The following SGIP1 variants were observed in gnomAD, a reference collection of about 807,000 sequenced individuals.
SGIP1 encodes the protein SH3GL interacting endocytic adaptor 1, also known as SH3-containing GRB2-like protein 3-interacting protein 1.
Under a neutral mutation model 107.5 loss-of-function variants are expected in SGIP1, and 38 were observed. The ratio of observed to expected loss-of-function variants is 0.35; its 90% CI spans 0.27 to 0.46. SGIP1 has a LOEUF of 0.46. Among genes scored for constraint, SGIP1 ranks in the 20% least tolerant of loss-of-function variants. The pLI, the probability that SGIP1 is intolerant of heterozygous loss-of-function variation, is 1.00. For synonymous variants in SGIP1, 365 were observed against 366.1 expected (o/e 1.00, Z 0.03); for missense variants, 929 against 1,019.5 (o/e 0.91, Z 1.21).
At chr1:66,695,081 C>A in intron 17 of SGIP1, 1 of 415,826 alleles carries the variant, frequency 2.4e-6, no homozygotes. Flanking sequence ...ATGGATACAG[C>A]AATTGCTGAA....
At chr1:66,606,338 A>T (rs1286672218) in intron 1 of SGIP1, among the ~76,000 whole-genome samples, 3 of 152,230 alleles carry the variant, frequency 2.0e-5, no homozygotes, top group Admixed American at 2.0e-4. Context: ...AGTAGGAACT[A>T]TGTCTGTTTC....
chr1:66,677,024 A>T lies in SGIP1; in HGVS notation c.667A>T (p.Ile223Leu). The change falls in exon 13 of 25, where the codon ATA becomes TTA. Residue 223 changes from isoleucine (I) to leucine (L), a missense_variant. Transcript: ENST00000371037. ...TCCAGTTCTTTTAGATCAGCCTGAGATATGGGGTTCAGGCCAACCAATTAA... is the reference window on the plus strand; with the variant it reads ...TCCAGTTCTTTTAGATCAGCCTGAGTTATGGGGTTCAGGCCAACCAATTAA... ...KTEVLLDQPE[I>L]WGSGQPINPS... 6.2e-7 allele frequency: 1 copy of T among 1,613,610 alleles called. No individual in the cohort carries two copies. The highest frequency in any genetic ancestry group is 1.7e-5 in the Admixed American group (1 of 59,936).
intron 13 of SGIP1, among the ~76,000 whole-genome samples, chr1:66,679,349 C>T (rs1373629346): frequency 1.3e-5 from 2 of 152,130 alleles, no homozygotes; most frequent in Non-Finnish European, 2.9e-5. Context: ...TTTATTCAAC[C>T]CTATGACCCT....
intron 17 of SGIP1, chr1:66,694,476 G>A (rs144911780): frequency 1.7e-4 from 277 of 1,607,284 alleles, no homozygotes; most frequent in Middle Eastern, 3.3e-4. Flanking sequence ...AACTGCCCTC[G>A]TTTGAAAGGC....
intron 23 of SGIP1, among the ~76,000 whole-genome samples, 190 bp downstream of exon 23, chr1:66,740,912 G>C (rs113478558): frequency 2.6e-5 from 4 of 152,006 alleles, no homozygotes; most frequent in African/African-American, 9.7e-5. Flanking sequence ...CTTTTCTACA[G>C]ACTCCACATC....
Position 66,739,386 on chromosome 1 carries a change from C to T in SGIP1, c.2083C>T (p.Arg695Ter), listed in dbSNP as rs2094375121. The part of the protein sequence containing the change: ...STPLNLAVNW[R>*]CEPSSTDLRI... ...ACCTCTGAACCTGGCAGTGAATTGG[C>T]GATGTGAGCCTTCAAGCACTGACCT... The change falls in exon 22 of 25, where the codon CGA (arginine) becomes TGA (stop). Residue 695 changes from arginine (R) to a stop codon, truncating the protein, a stop_gained. Transcript: ENST00000371037. LOFTEE classifies it high-confidence loss of function. The T allele has an allele frequency of 6.2e-7, 1 of 1,614,082 alleles. No homozygotes were observed. The highest frequency in any genetic ancestry group is 8.5e-7 in the Non-Finnish European group (1 of 1,179,996).
At chr1:66,565,658 T>C (rs1454236983) in intron 1 of SGIP1, among the ~76,000 whole-genome samples, 1 of 151,960 alleles carries the variant, frequency 6.6e-6, no homozygotes, top group African/African-American at 2.4e-5. Context: ...AATTTGGGCT[T>C]AGATTTCCAG....
At chr1:66,654,724 A>G (rs2079408777) in intron 7 of SGIP1, among the ~76,000 whole-genome samples, 1 of 152,218 alleles carries the variant, frequency 6.6e-6, no homozygotes, top group East Asian at 1.9e-4. Flanking sequence ...TTCTAAACAG[A>G]ATGAAGGTGA....
At chr1:66,718,412 G>T (rs577828004) in intron 18 of SGIP1, among the ~76,000 whole-genome samples, 2 of 52,522 alleles carry the variant, frequency 3.8e-5, no homozygotes, top group South Asian at 3.1e-4. Flanking sequence ...ACACTGCATG[G>T]GTATAGTGGG....
At position 66,561,936 on chromosome 1, in the gene SGIP1, A is replaced by C. The variant is rs184501953; in HGVS notation, c.10+27568A>C. ...GACCAGTTAAAATACACCAGGATTA[A>C]ATTTTGCTTCCCGTTTTCATCATTT... On this transcript the variant is annotated intron_variant, in intron 1 of 24. Transcript: ENST00000371037. Among the ~76,000 whole-genome samples the C allele has an allele frequency of 9.9e-5, 15 of 152,184 alleles. No homozygotes were observed. In the East Asian group the frequency reaches 2.9e-3, roughly 29 times the overall value.
chr1:66,584,559 CT>C (rs1553234731), intron 1 of SGIP1, among the ~76,000 whole-genome samples: 2 of 148,416 alleles, frequency 1.3e-5, no homozygotes, highest in Non-Finnish European at 3.0e-5. Context: ...TGGGTTTTTT[CT>C]TCTTTTTTCA....
At chr1:66,618,356 G>A (rs2069989272) in intron 1 of SGIP1, among the ~76,000 whole-genome samples, 2 of 152,224 alleles carry the variant, frequency 1.3e-5, no homozygotes, top group Middle Eastern at 3.4e-3. Flanking sequence ...CAAAAAACTG[G>A]CCACCAATGG....
chr1:66,621,787 T>C (rs759615009), intron 1 of SGIP1, among the ~76,000 whole-genome samples: 34 of 152,246 alleles, frequency 2.2e-4, no homozygotes, highest in Non-Finnish European at 3.5e-4. Context: ...CTTTTTTCCT[T>C]TTTATGGCTG....
intron 5 of SGIP1, among the ~76,000 whole-genome samples, chr1:66,640,132 A>G (rs56374735): frequency 0.13 from 19,505 of 152,136 alleles, 1,342 homozygotes; most frequent in Admixed American, 0.18. Flanking sequence ...TCTTCTTCCA[A>G]TGTGGCCTAG....
Position 66,534,387 on chromosome 1 carries a change from T to A in SGIP1, c.10+19T>A. 7 of 1,614,050 alleles carry A rather than the reference T, an allele frequency of 4.3e-6. No homozygotes were observed. The highest frequency in any genetic ancestry group is 5.9e-6 in the Non-Finnish European group (7 of 1,179,904). ...ATGGAAGGTAGGATGCTTTCTGCTA[T>A]GGTTGACTGGCTTCAGGCAAGGTTT... On this transcript the variant is annotated intron_variant, in intron 1 of 24. Coordinates refer to ENST00000371037, the MANE Select transcript of SGIP1 (RefSeq NM_032291.4).
intron 1 of SGIP1, among the ~76,000 whole-genome samples, chr1:66,575,371 A>C (rs1352829134): frequency 7.9e-5 from 12 of 152,164 alleles, no homozygotes; most frequent in African/African-American, 2.9e-4. Context: ...TCTTAAATTT[A>C]CTTGGCCTTA....
chr1:66,727,062 G>T (rs1159114264), intron 19 of SGIP1, among the ~76,000 whole-genome samples: 1 of 152,182 alleles, frequency 6.6e-6, no homozygotes, highest in African/African-American at 2.4e-5. Flanking sequence ...GACTGGATTA[G>T]ATATAACCCA....
chr1:66,648,789 A>G (rs1375280407), intron 7 of SGIP1, among the ~76,000 whole-genome samples: 1 of 152,210 alleles, frequency 6.6e-6, no homozygotes, highest in Non-Finnish European at 1.5e-5. Flanking sequence ...AGTGTGTAGT[A>G]ACAGAAGGCA....
intron 1 of SGIP1, among the ~76,000 whole-genome samples, chr1:66,545,372 A>G (rs1040042903): frequency 1.3e-5 from 2 of 152,192 alleles, no homozygotes; most frequent in Non-Finnish European, 2.9e-5. Flanking sequence ...CTAACGAAAG[A>G]CTGTCTGCCT....
Sources: gnomAD v4.1 joint callset for allele counts (sites outside exome capture counted in the v4.1 genomes callset) on GRCh38, gnomAD v4.1.1 for gene constraint, MANE v1.5 for transcripts, NCBI Gene and HGNC (gene_info 2026-07-23, HGNC 2026-07-21) for gene names.